The following CSMD3 variants were observed in gnomAD, a reference collection of about 807,000 sequenced individuals.
CSMD3 encodes the protein CUB and sushi domain-containing protein 3.
A neutral mutation model predicts 435.2 loss-of-function variants in CSMD3; 177 were observed. That is an observed-to-expected ratio of 0.41 (90% CI 0.36 to 0.46). The LOEUF is 0.46. CSMD3 is among the 20% of genes least tolerant of loss of function. The probability of loss-of-function intolerance (pLI) is 0.34; values close to 1 mark genes in which losing one functional copy is unlikely to be tolerated. For synonymous variants in CSMD3, 1,656 were observed against 1,520.5 expected, an observed-to-expected ratio of 1.09 and a Z score of -2.07; for missense variants, 4,265 against 4,504.6, an observed-to-expected ratio of 0.95 and a Z score of 1.52.
At chr8:112,646,702 A>G (rs938862488) in intron 19 of CSMD3, among the ~76,000 whole-genome samples, 2 of 152,152 alleles carry the variant, frequency 1.3e-5, no homozygotes, top group African/African-American at 4.8e-5. Flanking sequence ...ATGGGAAAGT[A>G]TAGAATATAT....
At chr8:112,313,602 T>C (rs1361097993) in intron 49 of CSMD3, among the ~76,000 whole-genome samples, 1 of 152,118 alleles carries the variant, frequency 6.6e-6, no homozygotes, top group Admixed American at 6.5e-5. Context: ...TAAATGCTTT[T>C]TTAGGATTTT....
intron 16 of CSMD3, among the ~76,000 whole-genome samples, chr8:112,679,549 T>C (rs988503082): frequency 1.2e-4 from 19 of 152,212 alleles, no homozygotes; most frequent in Admixed American, 7.2e-4. Flanking sequence ...TTTGTCAAGT[T>C]AGAGTTCTGA....
At chr8:112,328,685 A>G (rs1285356778) in intron 45 of CSMD3, among the ~76,000 whole-genome samples, 1 of 151,962 alleles carries the variant, frequency 6.6e-6, no homozygotes, top group East Asian at 1.9e-4. Flanking sequence ...GTGAGAGGGG[A>G]TTGGATCATG....
chr8:112,996,290 T>C (rs2085650531), intron 6 of CSMD3, among the ~76,000 whole-genome samples: 1 of 151,616 alleles, frequency 6.6e-6, no homozygotes, highest in Non-Finnish European at 1.5e-5. Context: ...ACCACCATTT[T>C]ACTCTCGACT....
intron 13 of CSMD3, among the ~76,000 whole-genome samples, chr8:112,755,711 G>A (rs1041384450): frequency 4.0e-5 from 6 of 150,700 alleles, no homozygotes; most frequent in Admixed American, 1.3e-4. Flanking sequence ...TGTATGACAA[G>A]GATAACCACA....
At chr8:113,130,926 A>G (rs975798562) in intron 4 of CSMD3, among the ~76,000 whole-genome samples, 3 of 152,190 alleles carry the variant, frequency 2.0e-5, no homozygotes, top group Non-Finnish European at 4.4e-5. Context: ...AGAGACAGGC[A>G]GCATATTGCC....
intron 5 of CSMD3, among the ~76,000 whole-genome samples, chr8:113,052,915 C>T (rs1372422408): frequency 6.6e-6 from 1 of 152,154 alleles, no homozygotes; most frequent in Non-Finnish European, 1.5e-5. Flanking sequence ...TCAACATTCT[C>T]CTCCTTATAA....
At chr8:112,614,267 C>T (rs1340426415) in intron 22 of CSMD3, among the ~76,000 whole-genome samples, 2 of 152,232 alleles carry the variant, frequency 1.3e-5, no homozygotes, top group East Asian at 3.9e-4. Flanking sequence ...CTCACCACTC[C>T]ATTTCCACTT....
chr8:112,234,734 A>C (rs1253051209), intron 67 of CSMD3, among the ~76,000 whole-genome samples: 1 of 152,174 alleles, frequency 6.6e-6, no homozygotes, highest in African/African-American at 2.4e-5. Flanking sequence ...ACAATTAAGC[A>C]CTAGTGTTCT....
intron 50 of CSMD3, among the ~76,000 whole-genome samples, chr8:112,309,892 A>T (rs889150554): frequency 3.9e-5 from 6 of 152,106 alleles, no homozygotes; most frequent in Non-Finnish European, 7.4e-5. Context: ...TTAATTACCT[A>T]TCTTACATTT....
At chr8:112,431,000 A>G (rs1169548713) in intron 32 of CSMD3, among the ~76,000 whole-genome samples, 1 of 151,982 alleles carries the variant, frequency 6.6e-6, no homozygotes, top group African/African-American at 2.4e-5. Context: ...TGCTCTGACT[A>G]GTTGTGCAAG....
rs557617512 is a variant in CSMD3, at chr8:112,941,493, C to T, written c.1508+6297G>A. On this transcript the variant is annotated intron_variant, in intron 9 of 70. Transcript: ENST00000297405. ...AATTTTCTAAAAATGTGTAAATAAA[C>T]GATTAACTAAGATAATATCCATGGA... 4.6e-5 allele frequency among the ~76,000 whole-genome samples: 7 copies of T among 151,802 alleles called. No individual in the cohort carries two copies. The East Asian group carries it at 9.7e-4, about 21-fold the overall frequency.
At chr8:113,311,910 T>G (rs1311916611) in intron 2 of CSMD3, 1 of 152,112 alleles carries the variant, frequency 6.6e-6, no homozygotes, top group African/African-American at 2.4e-5. Flanking sequence ...CTTGTATAAA[T>G]AGAGTACATG....
At chr8:113,334,297 A>ATTTTTTTTTTTTTTTTTTTT (rs2094052880) in intron 1 of CSMD3, among the ~76,000 whole-genome samples, 5 of 126,280 alleles carry the variant, frequency 4.0e-5, no homozygotes, top group Non-Finnish European at 4.8e-5. Context: ...TTTTTTTTTC[A>ATTTTTTTTTTTTTTTTTTTT]TTTCCAGCCT....
chr8:112,942,344 C>A (rs1390407898), intron 9 of CSMD3, among the ~76,000 whole-genome samples: 1 of 151,404 alleles, frequency 6.6e-6, no homozygotes, highest in South Asian at 2.1e-4. Context: ...CCATTCAACC[C>A]AGTAATACCA....
chr8:112,298,708 C>G (rs1399365416), intron 53 of CSMD3, among the ~76,000 whole-genome samples: 1 of 152,088 alleles, frequency 6.6e-6, no homozygotes, highest in African/African-American at 2.4e-5. Flanking sequence ...CTATGAAAAA[C>G]TGTGCTTAAC....
intron 10 of CSMD3, among the ~76,000 whole-genome samples, chr8:112,915,316 G>T (rs112435418): frequency 0.034 from 5,119 of 151,596 alleles, 147 homozygotes; most frequent in Middle Eastern, 0.051. Context: ...TCCTTGGTTA[G>T]TTGTTGTTTG....
At chr8:112,491,739 T>C (rs933484129) in intron 31 of CSMD3, among the ~76,000 whole-genome samples, 6 of 152,216 alleles carry the variant, frequency 3.9e-5, no homozygotes, top group African/African-American at 1.4e-4. Context: ...TTTTATTTGA[T>C]TAACTTCTAT....
At chr8:113,408,651 A>G (rs1199198094) in intron 1 of CSMD3, among the ~76,000 whole-genome samples, 1 of 151,754 alleles carries the variant, frequency 6.6e-6, no homozygotes, top group African/African-American at 2.4e-5. Flanking sequence ...CCACGTGACA[A>G]GGAGTTTTTT....
Sources: gnomAD v4.1 joint callset for allele counts (sites outside exome capture counted in the v4.1 genomes callset) on GRCh38, gnomAD v4.1.1 for gene constraint, MANE v1.5 for transcripts, NCBI Gene and HGNC (gene_info 2026-07-23, HGNC 2026-07-21) for gene names.